CCDC141: variants seen among roughly 807,000 people sequenced by gnomAD.
CCDC141 encodes the protein coiled-coil domain containing 141.
CCDC141 carries 168 observed loss-of-function variants against 181.0 expected under a neutral mutation model. That is an observed-to-expected ratio of 0.93 (90% CI 0.82 to 1.05). The LOEUF (loss-of-function observed/expected upper bound fraction) is 1.05, where lower values mean the gene tolerates loss of function less well. CCDC141 is among the 50% of genes least tolerant of loss of function. CCDC141 has a pLI of 0.00. For synonymous variants in CCDC141, 666 were observed against 642.3 expected (o/e 1.04, Z -0.56); for missense variants, 1,902 against 1,788.5 (o/e 1.06, Z -1.14).
intron 6 of CCDC141, among the ~76,000 whole-genome samples, chr2:178,941,445 A>T (rs189922684): frequency 4.6e-5 from 7 of 152,242 alleles, no homozygotes; most frequent in African/African-American, 1.7e-4. Flanking sequence ...ACCTTTTTGT[A>T]TCTACAAGTT....
intron 2 of CCDC141, among the ~76,000 whole-genome samples, chr2:178,987,356 A>AT (rs1691803600): frequency 6.6e-6 from 1 of 152,128 alleles, no homozygotes; most frequent in Non-Finnish European, 1.5e-5. Flanking sequence ...ACCTAAAACC[A>AT]TAAAAACCCT....
At chr2:179,039,211 AC>A (rs138967903) in intron 2 of CCDC141, among the ~76,000 whole-genome samples, 6,771 of 152,278 alleles carry the variant, frequency 0.044, 167 homozygotes, top group African/African-American at 0.063. Flanking sequence ...AAGATTAAGT[AC>A]ATTGCAGAAG....
intron 2 of CCDC141, among the ~76,000 whole-genome samples, chr2:179,009,098 T>C (rs1246275001): frequency 6.6e-6 from 1 of 152,194 alleles, no homozygotes; most frequent in East Asian, 1.9e-4. Flanking sequence ...CCTGGGACCT[T>C]GATACATGCT....
intron 2 of CCDC141, among the ~76,000 whole-genome samples, chr2:179,029,600 G>T (rs897964011): frequency 1.3e-5 from 2 of 152,076 alleles, no homozygotes; most frequent in African/African-American, 4.8e-5. Context: ...TACACAGAGG[G>T]TGTCCCATAG....
rs571142447 is a variant in CCDC141 at position 178,877,892 on chromosome 2, C to A, written c.1899+72G>T. The A allele has an allele frequency of 2.8e-6, 4 of 1,412,648 alleles. No homozygotes were observed. In the Admixed American group the frequency reaches 5.0e-5, roughly 18 times the overall value. 87.5% of individuals were successfully genotyped at this position (1,412,648 alleles called of 1,614,324 possible). On this transcript the variant is annotated intron_variant, in intron 12 of 23. Transcript: ENST00000443758. ...AACTGCTGATTAATAGACAGCTGAA[C>A]CTTTGAAATTATTATTTTGACTTTG...
At chr2:178,955,077 G>T (rs1690104576) in intron 5 of CCDC141, among the ~76,000 whole-genome samples, 1 of 152,088 alleles carries the variant, frequency 6.6e-6, no homozygotes, top group South Asian at 2.1e-4. Flanking sequence ...TTGAGCCCAG[G>T]AGTTCAAGAC....
At chr2:179,003,406 T>C (rs2042037810) in intron 2 of CCDC141, among the ~76,000 whole-genome samples, 1 of 152,204 alleles carries the variant, frequency 6.6e-6, no homozygotes, top group Non-Finnish European at 1.5e-5. Context: ...ATTTTATAAA[T>C]TACTTTTTCT....
chr2:178,981,280 C>A (rs1361779162), intron 2 of CCDC141, among the ~76,000 whole-genome samples: 19 of 151,988 alleles, frequency 1.3e-4, no homozygotes, highest in Non-Finnish European at 8.8e-5. Context: ...ATTCTTCCAA[C>A]AATGCATAAC....
chr2:178,988,510 C>T (rs1178561700), intron 2 of CCDC141, among the ~76,000 whole-genome samples: 1 of 151,444 alleles, frequency 6.6e-6, no homozygotes, highest in Admixed American at 6.6e-5. Flanking sequence ...TTGAAGAAGA[C>T]CTAAATAAAT....
At chr2:178,874,523 A>T (rs1686270384) in intron 12 of CCDC141, 1 of 152,226 alleles carries the variant, frequency 6.6e-6, no homozygotes, top group Non-Finnish European at 1.5e-5. Context: ...GTACAATCTT[A>T]AACATTCTAA....
chr2:179,044,246 G>A (rs1005441001), intron 2 of CCDC141, among the ~76,000 whole-genome samples: 1 of 152,136 alleles, frequency 6.6e-6, no homozygotes, highest in African/African-American at 2.4e-5. Context: ...GCAATTTATA[G>A]ATTCAATACT....
At chr2:178,829,051 C>T (rs910314016), downstream of CCDC141, among the ~76,000 whole-genome samples, 5 of 152,122 alleles carry the variant, frequency 3.3e-5, no homozygotes, top group Non-Finnish European at 5.9e-5. Flanking sequence ...AGAGCCACGG[C>T]AAGCAGCCAT....
chr2:178,978,972 T>C (rs575546884), intron 2 of CCDC141, among the ~76,000 whole-genome samples: 4 of 152,076 alleles, frequency 2.6e-5, no homozygotes, highest in Admixed American at 1.3e-4. Flanking sequence ...ATTATGTTAA[T>C]CTAACAGTTC....
intron 15 of CCDC141, 29 bp from the exon 16 acceptor site, chr2:178,868,234 T>A: frequency 6.3e-7 from 1 of 1,577,040 alleles, no homozygotes; most frequent in Non-Finnish European, 8.7e-7. Context: ...ACAATTAACC[T>A]GGGTTTTATA....
At chr2:178,984,807 T>C (rs1691638638) in intron 2 of CCDC141, among the ~76,000 whole-genome samples, 1 of 152,024 alleles carries the variant, frequency 6.6e-6, no homozygotes. Flanking sequence ...AGCACCCAGA[T>C]TCATAAAGCA....
intron 22 of CCDC141, among the ~76,000 whole-genome samples, chr2:178,845,022 T>TC (rs1684876529): frequency 1.3e-5 from 2 of 152,226 alleles, no homozygotes; most frequent in Non-Finnish European, 2.9e-5. Context: ...TTTTTGTGAG[T>TC]ATCTGTAGTC....
chr2:179,044,171 G>A (rs915849352), intron 2 of CCDC141, among the ~76,000 whole-genome samples: 5 of 152,130 alleles, frequency 3.3e-5, no homozygotes, highest in African/African-American at 1.2e-4. Flanking sequence ...ACAAACAAAT[G>A]GAAGAACATT....
At chr2:179,015,258 A>G (rs201341925) in intron 2 of CCDC141, among the ~76,000 whole-genome samples, 1 of 36,716 alleles carries the variant, frequency 2.7e-5, no homozygotes, top group South Asian at 7.8e-4. Context: ...TATATCTCAT[A>G]TATATCATAT....
At chr2:178,933,849 A>G (rs1689186526) in intron 6 of CCDC141, among the ~76,000 whole-genome samples, 1 of 152,154 alleles carries the variant, frequency 6.6e-6, no homozygotes, top group Non-Finnish European at 1.5e-5. Context: ...CAAACTAAGG[A>G]CTGTGGCAGA....
Sources: allele counts gnomAD v4.1 joint callset (sites outside exome capture counted in the v4.1 genomes callset), GRCh38; gene constraint gnomAD v4.1.1; transcripts MANE v1.5; gene names NCBI Gene and HGNC (gene_info 2026-07-23, HGNC 2026-07-21).